TMC6: variants seen among roughly 807,000 people sequenced by gnomAD.
TMC6 encodes the protein transmembrane channel-like protein 6.
TMC6 carries 71 observed loss-of-function variants against 95.4 expected under a neutral mutation model. The ratio of observed to expected loss-of-function variants is 0.74; its 90% CI spans 0.61 to 0.91. The LOEUF (loss-of-function observed/expected upper bound fraction) is 0.91. Ranked by LOEUF, TMC6 falls within the 40% of genes least tolerant of loss-of-function variation. TMC6 has a pLI of 0.00. For missense variants in TMC6, 1,074 were observed against 1,079.1 expected, an observed-to-expected ratio of 1.00 and a Z score of 0.07; for synonymous variants, 514 against 483.1, an observed-to-expected ratio of 1.06 and a Z score of -0.84.
intron 18 of TMC6, among the ~76,000 whole-genome samples, chr17:78,115,325 C>G (rs925449058): frequency 6.6e-6 from 1 of 152,188 alleles, no homozygotes; most frequent in Non-Finnish European, 1.5e-5. Context: ...CCACAAGCGC[C>G]CCCCTAGCCC....
chr17:78,131,480 C>G, upstream of TMC6: 1 of 1,460,470 alleles, frequency 6.8e-7, no homozygotes, highest in Middle Eastern at 2.4e-4. Flanking sequence ...CCGCCCCCAG[C>G]CCAGCGTGCA....
At chr17:78,124,270 G>T (rs965275483) in intron 8 of TMC6, 91 bp from the exon 9 acceptor site, 30 of 1,524,708 alleles carry the variant, frequency 2.0e-5, no homozygotes, top group Non-Finnish European at 1.3e-5. Flanking sequence ...AGCAGGAGGA[G>T]GCCAGGCAGG....
At chr17:78,131,705 G>T, upstream of TMC6, 1 of 1,582,698 alleles carries the variant, frequency 6.3e-7, no homozygotes, top group Non-Finnish European at 8.6e-7. Flanking sequence ...TGCGCGGGCT[G>T]CCCTATGCCA....
Position 78,122,593 on chromosome 17 carries a change from G to C in TMC6, c.1227+12C>G, listed in dbSNP as rs371193445. The C allele has an allele frequency of 6.2e-7, 1 of 1,607,758 alleles. No individual in the cohort carries two copies. The highest frequency in any genetic ancestry group is 2.2e-5 in the East Asian group (1 of 44,862). On this transcript the variant is annotated intron_variant, in intron 10 of 19. Transcript: ENST00000590602. The surrounding 1 kb of genome is among the most constrained non-coding windows in gnomAD (Gnocchi z 4.9). ...GCTGGGCAGGCCAGCTTGGTGCTCC[G>C]GGGCCACTCACCTTCAGCCGGGTGC...
upstream of TMC6, chr17:78,132,413 T>A (rs1166689406): frequency 3.7e-6 from 6 of 1,612,864 alleles, no homozygotes; most frequent in Non-Finnish European, 5.1e-6. Flanking sequence ...TTCCTGCTGC[T>A]ACTCAACCTG....
chr17:78,119,236 C>CG (rs971133391), intron 14 of TMC6, 61 bp downstream of exon 14: 14 of 1,599,004 alleles, frequency 8.8e-6, no homozygotes, highest in South Asian at 3.3e-5. Flanking sequence ...ACAGGACCCC[C>CG]GGGGGGAAAG....
At chr17:78,129,445 A>G (rs77036372), upstream of TMC6, among the ~76,000 whole-genome samples, 421 of 152,222 alleles carry the variant, frequency 2.8e-3, 2 homozygotes, top group African/African-American at 9.8e-3. This position sits in a 1 kb window ranked among gnomAD's most constrained non-coding sequence, Gnocchi z 4.3. Context: ...GCCCCCAGCC[A>G]AAGCAGGAGA....
Position 78,128,113 on chromosome 17 carries a change from G to A in TMC6, c.-75+499C>T, listed in dbSNP as rs935827631. Among the ~76,000 whole-genome samples, 1 of 152,206 alleles carries A rather than the reference G, an allele frequency of 6.6e-6. No individual in the cohort carries two copies. The highest frequency in any genetic ancestry group is 1.5e-5 in the Non-Finnish European group (1 of 68,030). On this transcript the variant is annotated intron_variant, in intron 1 of 19. Coordinates refer to ENST00000590602, the MANE Select transcript of TMC6 (RefSeq NM_001127198.5). The surrounding 1 kb of genome is among the most constrained non-coding windows in gnomAD (Gnocchi z 4.0). ...GCCCCGAGGCCCAGGCAAGTCCAGC[G>A]GAGTTTCCAGGCGCACCATTCCTGA...
chr17:78,125,732 C>G lies in TMC6; in HGVS notation c.424G>C (p.Glu142Gln). 6.4e-7 allele frequency: 1 copy of G among 1,565,852 alleles called. No individual in the cohort carries two copies. The highest frequency in any genetic ancestry group is 8.7e-7 in the Non-Finnish European group (1 of 1,155,636). ...CCAGTGCCCACTCACTCACCCTCCTCCTCCAGGGCCGTGGGGTCCAGCTCC... is the reference window on the plus strand; with the variant it reads ...CCAGTGCCCACTCACTCACCCTCCTGCTCCAGGGCCGTGGGGTCCAGCTCC... ...DLELDPTALE[E>Q]EEKQSLLVKE... The change falls in exon 5 of 20, where the codon GAG becomes CAG. Residue 142 changes from glutamate to glutamine, a missense_variant. Transcript: ENST00000590602.
intron 13 of TMC6, chr17:78,120,029 G>C (rs951419616): frequency 2.5e-6 from 1 of 393,060 alleles, no homozygotes; most frequent in Admixed American, 3.2e-5. Context: ...GAAAAAAACA[G>C]CTGAAGTGCC....
chr17:78,124,600 C>T lies in TMC6; in HGVS notation c.815G>A (p.Gly272Asp), dbSNP rs1312399029. ...GGCGGGTGGGAAGGCGACCTGAGGG[C>T]CCATGATGAAGGCCACCAGCAGCAG... ...LLLLLVAFIM[G>D]PQVAFPPALP... Residue 272 changes from glycine (G) to aspartate (D), a missense_variant, in exon 8 of 20, where the codon GGC (glycine) becomes GAC (aspartate). Coordinates refer to ENST00000590602, the MANE Select transcript of TMC6 (RefSeq NM_001127198.5). 39 of 1,612,246 alleles carry T rather than the reference C, an allele frequency of 2.4e-5. No homozygotes were observed. Among genetic ancestry groups the T allele is most frequent in the Non-Finnish European group, 3.3e-5 (39 of 1,179,820 alleles).
rs78046548 is a variant in TMC6, at chr17:78,113,220, A to G, written c.2355-9T>C. On this transcript the variant is annotated splice_polypyrimidine_tract_variant and intron_variant, in intron 19 of 19. Coordinates refer to ENST00000590602, the MANE Select transcript of TMC6 (RefSeq NM_001127198.5). ...CCTCGGTTGTCCCAACCCTGCCAGA[A>G]AGAGACATCACTGAGGGGACCCCAT... 3.7e-4 allele frequency: 576 copies of G among 1,552,170 alleles called. 2 individuals carry two copies. The highest frequency in any genetic ancestry group is 4.2e-4 in the Non-Finnish European group (486 of 1,146,810).
rs772268654 is a variant in TMC6, at chr17:78,122,646, C to A, written c.1186G>T (p.Ala396Ser). The change falls in exon 10 of 20, where the codon GCC (alanine) becomes TCC (serine). Residue 396 changes from alanine (A) to serine (S), a missense_variant. Ala to Ser is a moderately conservative substitution (Grantham distance 99, BLOSUM62 1). Transcript: ENST00000590602. The surrounding 1 kb of genome is among the most constrained non-coding windows in gnomAD (Gnocchi z 4.9). The part of the protein sequence containing the change: ...SWDYKVTQKR[A>S]SRLQQDNIRT... The stretch of plus-strand genomic sequence containing the variant: ...ATATTGTCCTGCTGGAGGCGGGAGG[C>A]CCGCTTCTGCGTCACCTTGTAGTCC... 1.2e-6 allele frequency: 2 copies of A among 1,611,836 alleles called. No individual in the cohort carries two copies. Among genetic ancestry groups the A allele is most frequent in the Admixed American group, 3.3e-5 (2 of 59,972 alleles).
intron 18 of TMC6, chr17:78,113,941 C>A (rs2073924622): frequency 2.4e-6 from 1 of 416,752 alleles, no homozygotes; most frequent in African/African-American, 2.0e-5. Flanking sequence ...GTTACTAACT[C>A]TGTGACCTCA....
chr17:78,116,967 TCA>T (rs1214579838), intron 18 of TMC6, among the ~76,000 whole-genome samples: 1 of 152,138 alleles, frequency 6.6e-6, no homozygotes, highest in Non-Finnish European at 1.5e-5. Context: ...CCAAAAATCC[TCA>T]CAGAGACTGT....
chr17:78,130,991 C>T (rs941195652), upstream of TMC6: 69 of 175,692 alleles, frequency 3.9e-4, no homozygotes, highest in Admixed American at 1.3e-3. Context: ...ATCAGGGGCT[C>T]GCGGGGTACC....
intron 18 of TMC6, among the ~76,000 whole-genome samples, chr17:78,115,664 A>AC (rs2074051923): frequency 2.2e-5 from 3 of 133,816 alleles, no homozygotes; most frequent in Admixed American, 7.4e-5. Flanking sequence ...CACAGGGGCG[A>AC]AGGGAGTGGG....
upstream of TMC6, chr17:78,131,705 GC>G: frequency 1.3e-6 from 2 of 1,582,696 alleles, no homozygotes; most frequent in Non-Finnish European, 1.7e-6. Context: ...TGCGCGGGCT[GC>G]CCTATGCCAT....
chr17:78,126,188 G>A (rs886194744), intron 4 of TMC6, 89 bp downstream of exon 4: 1 of 1,496,934 alleles, frequency 6.7e-7, no homozygotes, highest in Non-Finnish European at 9.0e-7. Context: ...ACTACCCAGG[G>A]AGATGCCTGG....
Sources: allele counts gnomAD v4.1 joint callset (sites outside exome capture counted in the v4.1 genomes callset), GRCh38; gene constraint gnomAD v4.1.1; non-coding constraint Gnocchi (gnomAD v3.1); transcripts MANE v1.5; gene names NCBI Gene and HGNC (gene_info 2026-07-23, HGNC 2026-07-21).